GDF1: variants seen among roughly 807,000 people sequenced by gnomAD.
GDF1 encodes the protein growth differentiation factor 1.
In GDF1, 8 loss-of-function variants were observed where a neutral mutation model predicts 7.4. That is an observed-to-expected ratio of 1.09 (90% CI 0.64 to 1.96). GDF1 has a LOEUF of 1.96. GDF1 is among the 30% of genes most tolerant of loss of function. The probability of loss-of-function intolerance (pLI) is 0.00; values close to 1 mark genes in which losing one functional copy is unlikely to be tolerated. For missense variants in GDF1, 574 were observed against 551.5 expected, an observed-to-expected ratio of 1.04 and a Z score of -0.41; for synonymous variants, 311 against 276.7, an observed-to-expected ratio of 1.12 and a Z score of -1.23.
intron 2 of GDF1, among the ~76,000 whole-genome samples, chr19:18,888,521 A>T (rs1016793227): frequency 3.5e-5 from 2 of 56,458 alleles, no homozygotes; most frequent in East Asian, 7.6e-4. Flanking sequence ...CTGTCTCTTA[A>T]AAAAAAAAAA....
rs570006292 is a variant in GDF1, at chr19:18,878,711, C to T, written c.-313+219G>A. On this transcript the variant is annotated intron_variant, in intron 6 of 7. Coordinates refer to ENST00000247005, the MANE Select transcript of GDF1 (RefSeq NM_001492.6). This position sits in a 1 kb window ranked among gnomAD's most constrained non-coding sequence, Gnocchi z 4.6. ...GACCCTGCCTGTCGCCCTGCCTGCC[C>T]CTCCCCAGCCTCTCCCTCCCCTTCC... The T allele has an allele frequency of 2.2e-5, 30 of 1,382,596 alleles. No individual in the cohort carries two copies. In the South Asian group the frequency reaches 2.9e-4, roughly 13 times the overall value. The allele number at this position is 1,382,596 out of a possible 1,614,324, so 85.6% of individuals were successfully genotyped here. A position where few individuals can be genotyped will look rare whatever the true frequency, so the allele number is the denominator to read the frequency against.
chr19:18,886,775 G>A (rs758289545), intron 2 of GDF1, among the ~76,000 whole-genome samples: 1 of 152,032 alleles, frequency 6.6e-6, no homozygotes, highest in African/African-American at 2.4e-5. Flanking sequence ...CCCATGAACC[G>A]CCTCTGCGAC....
At chr19:18,888,824 C>CT (rs1233106238) in intron 2 of GDF1, among the ~76,000 whole-genome samples, 3 of 151,468 alleles carry the variant, frequency 2.0e-5, no homozygotes, top group African/African-American at 7.3e-5. Flanking sequence ...GAGCGAAACT[C>CT]TGTCTCAAAA....
rs2056111923 is a variant in GDF1 at position 18,878,670 on chromosome 19, G to A, written c.-313+260C>T. The A allele has an allele frequency of 3.8e-6, 5 of 1,300,596 alleles. No individual in the cohort carries two copies. In the Admixed American group the frequency reaches 1.0e-4, roughly 26 times the overall value. 80.6% of individuals were successfully genotyped at this position (1,300,596 alleles called of 1,614,324 possible). ...CACCAGCCACTAGGCCTGGCCCTCA[G>A]TGTCCCTACCGCTGAGACCCTGCCT... On this transcript the variant is annotated intron_variant, in intron 6 of 7. Coordinates refer to ENST00000247005, the MANE Select transcript of GDF1 (RefSeq NM_001492.6). This position sits in a 1 kb window ranked among gnomAD's most constrained non-coding sequence, Gnocchi z 4.6.
intron 2 of GDF1, 57 bp from the exon 3 acceptor site, chr19:18,884,324 C>A (rs1490981349): frequency 2.6e-6 from 4 of 1,515,088 alleles, no homozygotes; most frequent in Non-Finnish European, 3.6e-6. Context: ...ACGATCGCCT[C>A]CATGACCCGG....
In GDF1 at chr19:18,895,874, C is replaced by T; in HGVS notation, c.-1124G>A. 1.6e-6 allele frequency: 2 copies of T among 1,284,578 alleles called. No individual in the cohort carries two copies. The highest frequency in any genetic ancestry group is 9.8e-7 in the Non-Finnish European group (1 of 1,016,838). 79.6% of individuals were successfully genotyped at this position (1,284,578 alleles called of 1,614,324 possible). On this transcript the variant is annotated 5_prime_UTR_variant, in exon 1 of 8. Coordinates refer to ENST00000247005, the MANE Select transcript of GDF1 (RefSeq NM_001492.6). The surrounding 1 kb of genome is among the most constrained non-coding windows in gnomAD (Gnocchi z 6.4). ...GAGCGCAGGGCGGTCCAGCCCAGCG[C>T]GCCGAGCGCCAGCAGCAGCAGCTCG...
At chr19:18,893,809 GC>G (rs1196158175) in intron 1 of GDF1, among the ~76,000 whole-genome samples, 1 of 152,038 alleles carries the variant, frequency 6.6e-6, no homozygotes, top group African/African-American at 2.4e-5. Context: ...GAGGGGGGAG[GC>G]CCCGAGGGGA....
chr19:18,892,634 A>G (rs931859760), intron 2 of GDF1, among the ~76,000 whole-genome samples: 1 of 151,936 alleles, frequency 6.6e-6, no homozygotes, highest in Non-Finnish European at 1.5e-5. Context: ...AAACAACCAC[A>G]TCCAGAACAG....
chr19:18,878,899 G>A lies in GDF1; in HGVS notation c.-313+31C>T, dbSNP rs779836141. ...CTTGGACGGGTGACACTAAAGGAGG[G>A]AACGCGGGGTGCGGGCCCCTCCACA... is the stretch of plus-strand genomic sequence containing the variant. On this transcript the variant is annotated intron_variant, in intron 6 of 7. Transcript: ENST00000247005. The surrounding 1 kb of genome is among the most constrained non-coding windows in gnomAD (Gnocchi z 4.6). 3 of 1,609,574 alleles carry A rather than the reference G, an allele frequency of 1.9e-6. No individual in the cohort carries two copies. The highest frequency in any genetic ancestry group is 2.7e-5 in the African/African-American group (2 of 74,888).
At position 18,878,151 on chromosome 19, in the gene GDF1, G is replaced by A. The variant is rs1423461070; in HGVS notation, c.-313+779C>T. On this transcript the variant is annotated intron_variant, in intron 6 of 7. Transcript: ENST00000247005. The surrounding 1 kb of genome is among the most constrained non-coding windows in gnomAD (Gnocchi z 4.6). Reference sequence around the variant, plus strand: ...TGGCCCCCACCGGCCAAATCAGAGGGCCTGGCTGGTCGGCACCTTCCAGGG... The same window carrying A: ...TGGCCCCCACCGGCCAAATCAGAGGACCTGGCTGGTCGGCACCTTCCAGGG... The A allele has an allele frequency of 3.0e-6, 3 of 985,508 alleles. No individual in the cohort carries two copies. The African/African-American group carries it at 5.2e-5, about 17-fold the overall frequency. 61.0% of individuals were successfully genotyped at this position (985,508 alleles called of 1,614,324 possible).
chr19:18,868,787 C>G lies in GDF1; in HGVS notation c.929G>C (p.Gly310Ala). 6.8e-7 allele frequency: 1 copy of G among 1,463,856 alleles called. No individual in the cohort carries two copies. Among genetic ancestry groups the G allele is most frequent in the Non-Finnish European group, 9.1e-7 (1 of 1,098,688 alleles). The allele number at this position is 1,463,856 out of a possible 1,614,324, so 90.7% of individuals were successfully genotyped here. ...AGCGTGGTTGAGCGCCGGCGGCCCC[C>G]CGGACCCCGACAGCGCGACGGGCAG... ...CALPVALSGS[G>A]GPPALNHAVL... Residue 310 changes from glycine (G) to alanine (A), a missense_variant, in exon 8 of 8, where the codon GGG becomes GCG. By Grantham distance (60) the Gly-to-Ala change is moderately conservative. Coordinates refer to ENST00000247005, the MANE Select transcript of GDF1 (RefSeq NM_001492.6).
Position 18,870,105 on chromosome 19 carries a change from C to A in GDF1, c.203G>T (p.Arg68Leu). The A allele has an allele frequency of 6.4e-7, 1 of 1,569,436 alleles. No homozygotes were observed. The highest frequency in any genetic ancestry group is 8.6e-7 in the Non-Finnish European group (1 of 1,162,336). ...AGACCTGGTCTCCTGGGGGTCCCGG[C>A]GTCGAAACAGGCGCCACATGACCGG... ...VPPVMWRLFR[R>L]RDPQETRSGS... The change falls in exon 7 of 8, where the codon CGC becomes CTC. Residue 68 changes from arginine (R) to leucine (L), a missense_variant. Arg to Leu is a moderately radical substitution (Grantham distance 102). Transcript: ENST00000247005. The surrounding 1 kb of genome is among the most constrained non-coding windows in gnomAD (Gnocchi z 5.1).
chr19:18,869,140 C>T lies in GDF1; in HGVS notation c.576G>A (p.Pro192=), dbSNP rs1489342824. The change falls in exon 8 of 8, where the codon CCG becomes CCA. Residue 192 remains proline (P), a synonymous_variant. Transcript: ENST00000247005. ...LLRQLVPALG[P]PVRAELLGAA... ...CGCCCAGCAGCTCCGCGCGCACTGG[C>T]GGCCCCAGGGCGGGCACCAACTGGC... 6.3e-6 allele frequency: 7 copies of T among 1,108,872 alleles called. No homozygotes were observed. Among genetic ancestry groups the T allele is most frequent in the Non-Finnish European group, 7.7e-6 (7 of 908,592 alleles). 68.7% of individuals were successfully genotyped at this position (1,108,872 alleles called of 1,614,324 possible).
At chr19:18,887,161 C>T (rs1015114090) in intron 2 of GDF1, among the ~76,000 whole-genome samples, 2 of 152,242 alleles carry the variant, frequency 1.3e-5, no homozygotes, top group African/African-American at 4.8e-5. Context: ...CAGTGGAATA[C>T]TATGCAGCCA....
chr19:18,869,622 A>G (rs1601145109), intron 7 of GDF1, among the ~76,000 whole-genome samples: 1 of 127,662 alleles, frequency 7.8e-6, no homozygotes, highest in Non-Finnish European at 1.7e-5. Flanking sequence ...GGGGCATAGG[A>G]GGAGGGGTGG....
At chr19:18,889,047 A>C (rs928307960) in intron 2 of GDF1, among the ~76,000 whole-genome samples, 1 of 151,516 alleles carries the variant, frequency 6.6e-6, no homozygotes, top group African/African-American at 2.4e-5. Flanking sequence ...ATGCATCCCC[A>C]CGCCTGGCTA....
chr19:18,885,375 C>T (rs1200782981), intron 2 of GDF1, among the ~76,000 whole-genome samples: 2 of 140,454 alleles, frequency 1.4e-5, no homozygotes, highest in Non-Finnish European at 3.2e-5. Flanking sequence ...TAATTTATTT[C>T]TTTTTTAATT....
At position 18,878,729 on chromosome 19, in the gene GDF1, C is replaced by T; in HGVS notation, c.-313+201G>A. Reference sequence around the variant, plus strand: ...GCCTGCCCCTCCCCAGCCTCTCCCTCCCCTTCCTCACTGTCCTGTCCTTCA... The same window carrying T: ...GCCTGCCCCTCCCCAGCCTCTCCCTTCCCTTCCTCACTGTCCTGTCCTTCA... On this transcript the variant is annotated intron_variant, in intron 6 of 7. Transcript: ENST00000247005. This position sits in a 1 kb window ranked among gnomAD's most constrained non-coding sequence, Gnocchi z 4.6. 1 of 1,390,032 alleles carries T rather than the reference C, an allele frequency of 7.2e-7. No individual in the cohort carries two copies. Among genetic ancestry groups the T allele is most frequent in the Non-Finnish European group, 9.3e-7 (1 of 1,070,470 alleles). The allele number at this position is 1,390,032 out of a possible 1,614,324, so 86.1% of individuals were successfully genotyped here.
rs773079354 is a variant in GDF1, at chr19:18,869,386, C to A, written c.330G>T (p.Ala110=). Residue 110 remains alanine, a synonymous_variant, in exon 8 of 8, where the codon GCG becomes GCT. Coordinates refer to ENST00000247005, the MANE Select transcript of GDF1 (RefSeq NM_001492.6). ...NIVRHIPDRG[A]PTRASEPASA... is the part of the protein sequence containing the mutation. ...AGGCAGGCTCCGAGGCCCGGGTGGGCGCACCTGGGGAGGTAGGAACAGGAA... is the reference window on the plus strand; with the variant it reads ...AGGCAGGCTCCGAGGCCCGGGTGGGAGCACCTGGGGAGGTAGGAACAGGAA... 2.2e-5 allele frequency: 34 copies of A among 1,528,086 alleles called. 2 individuals carry two copies. In the South Asian group the frequency reaches 3.8e-4, roughly 17 times the overall value. 94.7% of individuals were successfully genotyped at this position (1,528,086 alleles called of 1,614,324 possible).
Sources: allele counts gnomAD v4.1 joint callset (sites outside exome capture counted in the v4.1 genomes callset), GRCh38; gene constraint gnomAD v4.1.1; non-coding constraint Gnocchi (gnomAD v3.1); transcripts MANE v1.5; gene names NCBI Gene and HGNC (gene_info 2026-07-23, HGNC 2026-07-21).